The following CFAP276 variants were observed in gnomAD, a reference collection of about 807,000 sequenced individuals.
CFAP276 encodes cilia and flagella associated protein 276, also known as cilia- and flagella-associated protein 276.
the CFAP276 span, among the ~76,000 whole-genome samples, chr1:109,110,540 C>T: frequency 0.049 from 7,401 of 152,264 alleles, 217 homozygotes; most frequent in Middle Eastern, 0.088. Context: ...GGGTTTTCCT[C>T]TTATTTCTGG....
chr1:109,112,582 G>T, the CFAP276 span: 4 of 1,549,952 alleles, frequency 2.6e-6, no homozygotes, highest in Middle Eastern at 1.7e-4. Context: ...GGGAATCTGC[G>T]CAAGAAACCA....
the CFAP276 span, among the ~76,000 whole-genome samples, chr1:109,111,801 G>T: frequency 6.6e-6 from 1 of 152,288 alleles, no homozygotes; most frequent in African/African-American, 2.4e-5. Flanking sequence ...AAATGCATCT[G>T]CTCTGTGAAG....
At chr1:109,110,525 C>T in the CFAP276 span, among the ~76,000 whole-genome samples, 87 of 152,294 alleles carry the variant, frequency 5.7e-4, no homozygotes, top group Non-Finnish European at 1.2e-3. Flanking sequence ...GGGCCCAGCT[C>T]CTCTGGGTTT....
At chr1:109,106,544 C>G in the CFAP276 span, 1 of 1,613,894 alleles carries the variant, frequency 6.2e-7, no homozygotes, top group Non-Finnish European at 8.5e-7. Context: ...CCTATGGATC[C>G]TTGGATGCTG....
chr1:109,111,509 C>G, the CFAP276 span, among the ~76,000 whole-genome samples: 1 of 151,806 alleles, frequency 6.6e-6, no homozygotes, highest in Non-Finnish European at 1.5e-5. Flanking sequence ...TTCCTCACAT[C>G]CCTAGGATGA....
chr1:109,109,767 C>T, the CFAP276 span, among the ~76,000 whole-genome samples: 36 of 151,906 alleles, frequency 2.4e-4, no homozygotes, highest in Non-Finnish European at 4.6e-4. Flanking sequence ...AAACTCCTGA[C>T]CTCAGGTGAT....
the CFAP276 span, among the ~76,000 whole-genome samples, chr1:109,108,796 A>G: frequency 6.6e-6 from 1 of 152,200 alleles, no homozygotes; most frequent in Non-Finnish European, 1.5e-5. Flanking sequence ...AAAAGGGAAG[A>G]ACGGGTTTGT....
chr1:109,112,453 A>G, the CFAP276 span: 2 of 1,192,232 alleles, frequency 1.7e-6, no homozygotes, highest in Non-Finnish European at 2.3e-6. Flanking sequence ...ATATGGAGAT[A>G]GGGAGGCAGG....
the CFAP276 span, chr1:109,113,554 T>C: frequency 6.7e-7 from 1 of 1,481,952 alleles, no homozygotes; most frequent in Non-Finnish European, 9.4e-7. Context: ...GCTTCTCTTC[T>C]AGCCGGTTGT....
At chr1:109,106,072 C>T in the CFAP276 span, 4 of 1,613,672 alleles carry the variant, frequency 2.5e-6, no homozygotes, top group Non-Finnish European at 3.4e-6. Flanking sequence ...GAGTAGCCTC[C>T]ATTGGTGGCT....
chr1:109,106,727 T>C, the CFAP276 span: 1 of 1,520,198 alleles, frequency 6.6e-7, no homozygotes, highest in South Asian at 1.2e-5. Flanking sequence ...GAAGGCAAGG[T>C]AGTTGAATGT....
the CFAP276 span, chr1:109,107,885 G>T: frequency 6.6e-7 from 1 of 1,516,774 alleles, no homozygotes; most frequent in Non-Finnish European, 9.0e-7. Flanking sequence ...AGCCCTAAAC[G>T]GCTGCAAAGA....
the CFAP276 span, chr1:109,112,779 G>A: frequency 6.7e-7 from 1 of 1,494,454 alleles, no homozygotes; most frequent in Non-Finnish European, 8.9e-7. Flanking sequence ...TTGGAGCGCT[G>A]GTTTCGGTTG....
the CFAP276 span, among the ~76,000 whole-genome samples, chr1:109,110,031 A>T: frequency 6.6e-6 from 1 of 152,336 alleles, no homozygotes; most frequent in African/African-American, 2.4e-5. Context: ...CAGCAGAAGG[A>T]TGAGTCTGTC....
At chr1:109,113,611 C>A in the CFAP276 span, 1 of 1,613,452 alleles carries the variant, frequency 6.2e-7, no homozygotes, top group Non-Finnish European at 8.5e-7. Context: ...CAGGAGTGGC[C>A]TTCGTAGGAG....
the CFAP276 span, chr1:109,107,164 T>G: frequency 6.8e-7 from 1 of 1,470,590 alleles, no homozygotes; most frequent in Non-Finnish European, 9.5e-7. Context: ...CAGCCACCTG[T>G]GTCCCTGCTC....
chr1:109,109,402 C>T, the CFAP276 span, among the ~76,000 whole-genome samples: 3 of 149,430 alleles, frequency 2.0e-5, no homozygotes, highest in South Asian at 2.2e-4. Flanking sequence ...GAGCCGAGAT[C>T]GCGCCACTGC....
the CFAP276 span, chr1:109,107,118 G>T: frequency 6.2e-7 from 1 of 1,613,752 alleles, no homozygotes. Context: ...GTCATCCTTT[G>T]GTATCTACAG....
At chr1:109,111,863 A>G in the CFAP276 span, among the ~76,000 whole-genome samples, 1 of 152,360 alleles carries the variant, frequency 6.6e-6, no homozygotes, top group African/African-American at 2.4e-5. Flanking sequence ...ACTCTGTCAC[A>G]ACATGTGCTA....
Sources: allele counts gnomAD v4.1 joint callset (sites outside exome capture counted in the v4.1 genomes callset), GRCh38; gene constraint gnomAD v4.1.1; transcripts MANE v1.5; gene names NCBI Gene and HGNC (gene_info 2026-07-23, HGNC 2026-07-21).